Variants in SHISA9 observed in about 807,000 individuals in gnomAD.
SHISA9 encodes shisa family member 9, also known as protein shisa-9.
In SHISA9, 13 loss-of-function variants were observed where a neutral mutation model predicts 38.0. The ratio of observed to expected loss-of-function variants is 0.34; its 90% CI spans 0.22 to 0.54. SHISA9 has a LOEUF of 0.54. SHISA9 is among the 20% of genes least tolerant of loss of function. The pLI is 0.91. For missense variants in SHISA9, 538 were observed against 575.8 expected (o/e 0.93, Z 0.67); for synonymous variants, 275 against 242.0 (o/e 1.14, Z -1.27).
At chr16:12,937,571 C>A (rs984446736) in intron 2 of SHISA9, among the ~76,000 whole-genome samples, 1 of 152,176 alleles carries the variant, frequency 6.6e-6, no homozygotes, top group Non-Finnish European at 1.5e-5. Flanking sequence ...ACATACCAGA[C>A]CAAGTCCATC....
At chr16:12,905,856 C>T (rs2071085722) in intron 1 of SHISA9, among the ~76,000 whole-genome samples, 1 of 152,308 alleles carries the variant, frequency 6.6e-6, no homozygotes, top group South Asian at 2.1e-4. Context: ...TCACCTCTGC[C>T]TCCCAAAGTG....
intron 2 of SHISA9, among the ~76,000 whole-genome samples, chr16:13,090,670 C>T (rs1398585163): frequency 4.6e-5 from 7 of 152,170 alleles, no homozygotes; most frequent in African/African-American, 1.7e-4. Flanking sequence ...TCTTCTTCCA[C>T]CCCTCTATTT....
the SHISA9 span, among the ~76,000 whole-genome samples, chr16:13,318,867 CTTAT>C: frequency 2.0e-5 from 3 of 152,190 alleles, no homozygotes; most frequent in African/African-American, 7.2e-5. Flanking sequence ...TTCAAATATC[CTTAT>C]TGCTTTCTAA....
At chr16:13,328,356 C>A in the SHISA9 span, among the ~76,000 whole-genome samples, 2 of 152,046 alleles carry the variant, frequency 1.3e-5, no homozygotes, top group Non-Finnish European at 2.9e-5. Context: ...AGCTACCCAC[C>A]AGGGGGTTTG....
rs116935256 is a variant in SHISA9 at position 12,963,899 on chromosome 16, G to A, written c.691+47084G>A. 3.3e-5 allele frequency among the ~76,000 whole-genome samples: 5 copies of A among 152,324 alleles called. No homozygotes were observed. In the East Asian group the frequency reaches 9.6e-4, roughly 29 times the overall value. Reference sequence around the variant, plus strand: ...TACATGTTTTGGATGTCATAGCCGAGGGAAGAACCATTTATGTAATCCCTT... The same window carrying A: ...TACATGTTTTGGATGTCATAGCCGAAGGAAGAACCATTTATGTAATCCCTT... On this transcript the variant is annotated intron_variant, in intron 2 of 4. Transcript: ENST00000558583.
At chr16:13,012,959 T>A (rs557241323) in intron 2 of SHISA9, among the ~76,000 whole-genome samples, 1 of 152,126 alleles carries the variant, frequency 6.6e-6, no homozygotes, top group Non-Finnish European at 1.5e-5. Context: ...AATTAGGCTA[T>A]TTTCGGCATC....
chr16:12,915,572 T>C (rs1375595738), intron 1 of SHISA9, among the ~76,000 whole-genome samples: 1 of 152,240 alleles, frequency 6.6e-6, no homozygotes, highest in Admixed American at 6.5e-5. Context: ...TGATGGCAGC[T>C]GTTTGTAGCT....
At chr16:13,124,863 T>G (rs1228645612) in intron 2 of SHISA9, among the ~76,000 whole-genome samples, 1 of 152,118 alleles carries the variant, frequency 6.6e-6, no homozygotes, top group East Asian at 1.9e-4. Context: ...GAATATATAC[T>G]GGGAAAAAGG....
At chr16:13,518,900 A>T in the SHISA9 span, among the ~76,000 whole-genome samples, 1 of 152,106 alleles carries the variant, frequency 6.6e-6, no homozygotes, top group Admixed American at 6.5e-5. Flanking sequence ...GTAAGAGAGG[A>T]TAAGAGAGAG....
intron 2 of SHISA9, among the ~76,000 whole-genome samples, chr16:12,976,212 C>T (rs1218117484): frequency 8.5e-5 from 13 of 152,214 alleles, no homozygotes; most frequent in East Asian, 5.8e-4. Context: ...CTCAGCCTCC[C>T]GACTAGCTGG....
At chr16:13,461,929 AG>A in the SHISA9 span, among the ~76,000 whole-genome samples, 4 of 152,046 alleles carry the variant, frequency 2.6e-5, no homozygotes, top group Non-Finnish European at 5.9e-5. Context: ...TACTTTCTTA[AG>A]GAAGTATTCA....
At chr16:13,518,450 A>T in the SHISA9 span, among the ~76,000 whole-genome samples, 1 of 151,986 alleles carries the variant, frequency 6.6e-6, no homozygotes, top group Non-Finnish European at 1.5e-5. Context: ...GGACCAGAAA[A>T]ACCTCTTTTT....
the SHISA9 span, among the ~76,000 whole-genome samples, chr16:13,292,159 G>A: frequency 6.6e-6 from 1 of 151,810 alleles, no homozygotes; most frequent in African/African-American, 2.4e-5. Flanking sequence ...GCTGAACTAG[G>A]AAAAGCCAAA....
the SHISA9 span, among the ~76,000 whole-genome samples, chr16:13,482,431 C>T: frequency 6.6e-6 from 1 of 152,204 alleles, no homozygotes; most frequent in South Asian, 2.1e-4. Context: ...ATCCTGTCAC[C>T]CTTTTCTCAT....
chr16:13,357,249 A>T, the SHISA9 span, among the ~76,000 whole-genome samples: 2 of 152,192 alleles, frequency 1.3e-5, no homozygotes, highest in African/African-American at 4.8e-5. Flanking sequence ...GAAGTCCGTG[A>T]CCGGCGCCGG....
At chr16:13,022,917 G>A (rs1337880852) in intron 2 of SHISA9, among the ~76,000 whole-genome samples, 1 of 152,188 alleles carries the variant, frequency 6.6e-6, no homozygotes, top group East Asian at 1.9e-4. Flanking sequence ...AAGGACATCT[G>A]TCACTGGATT....
chr16:12,961,011 A>G (rs1211931413), intron 2 of SHISA9, among the ~76,000 whole-genome samples: 1 of 150,640 alleles, frequency 6.6e-6, no homozygotes, highest in Admixed American at 6.6e-5. Context: ...TTGTGTAATT[A>G]TATCTGTAAC....
At chr16:13,040,847 G>A (rs556340981) in intron 2 of SHISA9, among the ~76,000 whole-genome samples, 1 of 152,186 alleles carries the variant, frequency 6.6e-6, no homozygotes, top group East Asian at 1.9e-4. Flanking sequence ...AACATTGTTT[G>A]TTTTAAGTTG....
intron 2 of SHISA9, among the ~76,000 whole-genome samples, chr16:12,941,426 T>C (rs562124211): frequency 9.8e-4 from 149 of 152,340 alleles, no homozygotes; most frequent in Non-Finnish European, 1.4e-3. Context: ...GTACATGATA[T>C]ATTTTGATAC....
Sources: gnomAD v4.1 joint callset for allele counts (sites outside exome capture counted in the v4.1 genomes callset) on GRCh38, gnomAD v4.1.1 for gene constraint, MANE v1.5 for transcripts, NCBI Gene and HGNC (gene_info 2026-07-23, HGNC 2026-07-21) for gene names.